SLC4A4: variants seen among roughly 807,000 people sequenced by gnomAD.
The protein encoded by SLC4A4 is electrogenic sodium bicarbonate cotransporter 1.
Under a neutral mutation model 111.5 loss-of-function variants are expected in SLC4A4, and 27 were observed. The observed-to-expected ratio is 0.24, with a 90% CI of 0.18 to 0.33. The LOEUF (loss-of-function observed/expected upper bound fraction) is 0.33. Among genes scored for constraint, SLC4A4 ranks in the 10% least tolerant of loss-of-function variants. The pLI, the probability that SLC4A4 is intolerant of heterozygous loss-of-function variation, is 1.00. For synonymous variants in SLC4A4, 443 were observed against 463.4 expected (o/e 0.96, Z 0.57); for missense variants, 909 against 1,315.5 (o/e 0.69, Z 4.78).
chr4:71,395,133 G>A (rs535004779), intron 6 of SLC4A4, among the ~76,000 whole-genome samples: 10 of 152,206 alleles, frequency 6.6e-5, no homozygotes, highest in Middle Eastern at 6.8e-3. Context: ...TCTAACAAGC[G>A]TACAGGTGAT....
Position 71,208,914 on chromosome 4 carries a change from G to GT in SLC4A4, c.-2+21522dup, listed in dbSNP as rs200516002. Among the ~76,000 whole-genome samples, 717 of 151,506 alleles carry GT rather than the reference G, an allele frequency of 4.7e-3. 2 individuals are homozygous for GT. Among genetic ancestry groups the GT allele is most frequent in the African/African-American group, 0.015 (629 of 41,344 alleles). On this transcript the variant is annotated intron_variant, in intron 1 of 25. Coordinates refer to ENST00000264485, the MANE Select transcript of SLC4A4 (RefSeq NM_001098484.3). Reference sequence around the variant, plus strand: ...TTTGACATGAGATGAATATTTCTCAGTTTTTTTTTCCTTGAGTTTCCAGAC... The same window carrying GT: ...TTTGACATGAGATGAATATTTCTCAGTTTTTTTTTTCCTTGAGTTTCCAGAC...
intron 6 of SLC4A4, among the ~76,000 whole-genome samples, chr4:71,382,937 C>G (rs574438005): frequency 2.6e-5 from 4 of 152,242 alleles, no homozygotes; most frequent in African/African-American, 9.6e-5. Flanking sequence ...GAATTTCTTT[C>G]TCATTCTTTG....
intron 12 of SLC4A4, among the ~76,000 whole-genome samples, chr4:71,457,891 A>G (rs1460154901): frequency 6.6e-6 from 1 of 152,198 alleles, no homozygotes; most frequent in African/African-American, 2.4e-5. Context: ...TTGCACATCC[A>G]TATACTTTAA....
chr4:71,394,548 C>A (rs1328066181), intron 6 of SLC4A4, among the ~76,000 whole-genome samples: 2 of 152,054 alleles, frequency 1.3e-5, no homozygotes, highest in African/African-American at 4.8e-5. Context: ...TTCTACACTG[C>A]TGAGGGGAAT....
chr4:71,340,686 T>C (rs1476718894), intron 4 of SLC4A4, among the ~76,000 whole-genome samples: 1 of 152,156 alleles, frequency 6.6e-6, no homozygotes, highest in Non-Finnish European at 1.5e-5. Flanking sequence ...TTACTTTGAC[T>C]CTGTTGCCTC....
chr4:71,435,947 T>A (rs1724096463), intron 7 of SLC4A4, among the ~76,000 whole-genome samples: 1 of 152,226 alleles, frequency 6.6e-6, no homozygotes, highest in Non-Finnish European at 1.5e-5. Flanking sequence ...AGAATGCTTT[T>A]ACACTGTTGG....
intron 7 of SLC4A4, among the ~76,000 whole-genome samples, chr4:71,426,090 C>T (rs1174661679): frequency 6.6e-6 from 1 of 151,978 alleles, no homozygotes; most frequent in Non-Finnish European, 1.5e-5. Flanking sequence ...CCATATGATG[C>T]TGTACTAAAG....
intron 19 of SLC4A4, 98 bp from the exon 20 acceptor site, chr4:71,547,550 A>G (rs990743061): frequency 2.1e-6 from 2 of 972,292 alleles, no homozygotes; most frequent in Non-Finnish European, 3.4e-6. Context: ...TTAGCCAAAC[A>G]TTGATTTTGT....
intron 3 of SLC4A4, among the ~76,000 whole-genome samples, chr4:71,335,802 G>A (rs1229144907): frequency 6.6e-6 from 1 of 151,362 alleles, no homozygotes; most frequent in Non-Finnish European, 1.5e-5. Flanking sequence ...TCCAGCCTGG[G>A]CAATAGTGTG....
chr4:71,510,150 G>A (rs1731786558), intron 16 of SLC4A4, among the ~76,000 whole-genome samples: 1 of 152,108 alleles, frequency 6.6e-6, no homozygotes, highest in Non-Finnish European at 1.5e-5. Flanking sequence ...ATCTCTGGTG[G>A]CTATGGGGAT....
intron 3 of SLC4A4, among the ~76,000 whole-genome samples, chr4:71,255,868 G>C (rs1236925656): frequency 6.6e-6 from 1 of 152,150 alleles, no homozygotes; most frequent in Non-Finnish European, 1.5e-5. Flanking sequence ...TCAGGTCAGT[G>C]ATTTAAATAG....
At chr4:71,189,313 G>A (rs1043875586) in intron 1 of SLC4A4, among the ~76,000 whole-genome samples, 1 of 152,212 alleles carries the variant, frequency 6.6e-6, no homozygotes, top group South Asian at 2.1e-4. Context: ...TTAGATTAAT[G>A]TATTTCTTTT....
intron 2 of SLC4A4, among the ~76,000 whole-genome samples, chr4:71,138,384 T>A (rs1013486740): frequency 3.9e-5 from 6 of 152,138 alleles, no homozygotes; most frequent in African/African-American, 1.4e-4. Context: ...TCATGGTTGG[T>A]GTAAACTCTC....
intron 3 of SLC4A4, among the ~76,000 whole-genome samples, chr4:71,326,319 C>T (rs1232375844): frequency 6.6e-6 from 1 of 151,622 alleles, no homozygotes; most frequent in Non-Finnish European, 1.5e-5. Context: ...GGTGTAACAC[C>T]ACGACATTAG....
intron 12 of SLC4A4, among the ~76,000 whole-genome samples, chr4:71,462,798 A>C (rs1726965274): frequency 6.6e-6 from 1 of 152,166 alleles, no homozygotes. Context: ...TAAGCACCTT[A>C]CATACATTAT....
intron 5 of SLC4A4, among the ~76,000 whole-genome samples, chr4:71,356,150 C>T (rs910201635): frequency 6.6e-6 from 1 of 152,230 alleles, no homozygotes; most frequent in African/African-American, 2.4e-5. Flanking sequence ...TTATGCTATA[C>T]TGCTGACATG....
chr4:71,337,754 C>A (rs983701927), intron 3 of SLC4A4, among the ~76,000 whole-genome samples: 3 of 151,978 alleles, frequency 2.0e-5, no homozygotes, highest in Non-Finnish European at 4.4e-5. Flanking sequence ...TCAAGAAGTG[C>A]TGGGTGCATG....
intron 12 of SLC4A4, 115 bp from the exon 13 acceptor site, chr4:71,466,329 T>G: frequency 8.9e-7 from 1 of 1,124,614 alleles, no homozygotes; most frequent in Non-Finnish European, 1.3e-6. Context: ...ATTCTTGATA[T>G]GTTTGCTAAG....
At chr4:71,291,463 A>G (rs1268794395) in intron 3 of SLC4A4, among the ~76,000 whole-genome samples, 1 of 151,644 alleles carries the variant, frequency 6.6e-6, no homozygotes, top group East Asian at 1.9e-4. Flanking sequence ...TTTTTGAGAC[A>G]GGGTCTCACT....
Sources: allele counts gnomAD v4.1 joint callset (sites outside exome capture counted in the v4.1 genomes callset), GRCh38; gene constraint gnomAD v4.1.1; transcripts MANE v1.5; gene names NCBI Gene and HGNC (gene_info 2026-07-23, HGNC 2026-07-21).